TSEN34: variants seen among roughly 807,000 people sequenced by gnomAD.
TSEN34 encodes tRNA-splicing endonuclease subunit Sen34.
In TSEN34, 25 loss-of-function variants were observed where a neutral mutation model predicts 30.2. The observed-to-expected ratio is 0.83, with a 90% CI of 0.60 to 1.16. TSEN34 has a LOEUF of 1.16. Among genes scored for constraint, TSEN34 ranks in the 50% most tolerant of loss-of-function variants. The pLI is 0.00. For missense variants in TSEN34, 475 were observed against 411.9 expected (o/e 1.15, Z -1.33); for synonymous variants, 209 against 177.4 (o/e 1.18, Z -1.41).
At chr19:54,191,052 G>T, upstream of TSEN34, 1 of 1,260,036 alleles carries the variant, frequency 7.9e-7, no homozygotes, top group South Asian at 2.2e-5. Context: ...GTACGGCAGT[G>T]CGGGCACAGA....
intron 3 of TSEN34, 36 bp from the exon 4 acceptor site, chr19:54,193,139 T>C: frequency 6.2e-7 from 1 of 1,612,210 alleles, no homozygotes; most frequent in Non-Finnish European, 8.5e-7. Context: ...CCGTCTGCCA[T>C]TGGTCACTGC....
intron 2 of TSEN34, 71 bp from the exon 3 acceptor site, chr19:54,192,045 C>G: frequency 6.2e-7 from 1 of 1,614,110 alleles, no homozygotes; most frequent in South Asian, 1.1e-5. Flanking sequence ...AATCCAGTGC[C>G]TGGGTCTCCC....
chr19:54,190,644 G>A (rs2076636091), upstream of TSEN34: 2 of 1,261,750 alleles, frequency 1.6e-6, no homozygotes, highest in Non-Finnish European at 2.0e-6. Context: ...GGAGGAGGCG[G>A]GGCTACGGAT....
At chr19:54,190,175 G>C, upstream of TSEN34, 1 of 589,858 alleles carries the variant, frequency 1.7e-6, no homozygotes, top group Admixed American at 3.0e-5. Flanking sequence ...GCGCTCAGTG[G>C]GGCGGAGCCA....
At chr19:54,192,638 C>T (rs635608) in intron 3 of TSEN34, among the ~76,000 whole-genome samples, 30,888 of 151,888 alleles carry the variant, frequency 0.2, 3,510 homozygotes, top group East Asian at 0.5. Flanking sequence ...TGGGAGCTCC[C>T]GAACTCATTG....
In TSEN34 at chr19:54,193,740, C is replaced by T. The variant is rs1223511183; in HGVS notation, c.*378C>T. 4.2e-6 allele frequency: 3 copies of T among 715,490 alleles called. No individual in the cohort carries two copies. The highest frequency in any genetic ancestry group is 7.5e-6 in the Non-Finnish European group (3 of 397,366). 44.3% of individuals were successfully genotyped at this position (715,490 alleles called of 1,614,324 possible). A position where few individuals can be genotyped will look rare whatever the true frequency, so the allele number is the denominator to read the frequency against. Reference sequence around the variant, plus strand: ...CTGCATGTACAGGTGAGAAAAAGGCCTGGAGGAGGGGGACTGACTTGCCCA... The same window carrying T: ...CTGCATGTACAGGTGAGAAAAAGGCTTGGAGGAGGGGGACTGACTTGCCCA... On this transcript the variant is annotated 3_prime_UTR_variant, in exon 4 of 4. Coordinates refer to ENST00000396388, the MANE Select transcript of TSEN34 (RefSeq NM_001077446.4).
chr19:54,190,726 G>A, upstream of TSEN34: 5 of 1,211,858 alleles, frequency 4.1e-6, no homozygotes, highest in Non-Finnish European at 5.1e-6. Context: ...CGGATTCGGT[G>A]GAGCCGAGGA....
chr19:54,193,418 TC>T lies in TSEN34; in HGVS notation c.*60del, dbSNP rs2076782675. On this transcript the variant is annotated 3_prime_UTR_variant, in exon 4 of 4. Coordinates refer to ENST00000396388, the MANE Select transcript of TSEN34 (RefSeq NM_001077446.4). ...CGGCAGCAAGAGCCTTTCTGGATGT[TC>T]CCCAGCTCTTCTCTGGGAGTCTAGA... is the stretch of plus-strand genomic sequence containing the variant. The T allele has an allele frequency of 8.1e-6, 13 of 1,609,552 alleles. No homozygotes were observed. In the South Asian group the frequency reaches 1.2e-4, roughly 15 times the overall value.
chr19:54,193,315 G>C lies in TSEN34; in HGVS notation c.886G>C (p.Asp296His), dbSNP rs2076777587. 5 of 1,614,176 alleles carry C rather than the reference G, an allele frequency of 3.1e-6. No homozygotes were observed. In the East Asian group the frequency reaches 1.1e-4, roughly 36 times the overall value. ...CCTGCTCCTCTGTTCTCCGCAGCCT[G>C]ATGGTAAGGTGGTCTACACCTCCCT... ...KTLLLCSPQPDGKVVYTSLQW... is the reference protein window; with the variant it reads ...KTLLLCSPQPHGKVVYTSLQW... The change falls in exon 4 of 4, where the codon GAT (aspartate) becomes CAT (histidine). Residue 296 changes from aspartate to histidine, a missense_variant. Physicochemically the swap from Asp to His is moderately conservative, Grantham distance 81. Transcript: ENST00000396388.
chr19:54,192,804 A>G (rs1014633542), intron 3 of TSEN34, among the ~76,000 whole-genome samples: 13 of 152,324 alleles, frequency 8.5e-5, no homozygotes, highest in African/African-American at 3.1e-4. Context: ...CAGGAGTTTG[A>G]TACCAGTCTG....
At position 54,193,920 on chromosome 19, in the gene TSEN34, C is replaced by G; in HGVS notation, c.*558C>G. On this transcript the variant is annotated 3_prime_UTR_variant, in exon 4 of 4. Transcript: ENST00000396388. ...CAAACGTTATAAATAAAAATATAGGCTGGGCACGATGACCCACACCTGTAA... is the reference window on the plus strand; with the variant it reads ...CAAACGTTATAAATAAAAATATAGGGTGGGCACGATGACCCACACCTGTAA... 2 of 539,210 alleles carry G rather than the reference C, an allele frequency of 3.7e-6. No individual in the cohort carries two copies. The highest frequency in any genetic ancestry group is 6.6e-6 in the Non-Finnish European group (2 of 305,252). 33.4% of individuals were successfully genotyped at this position (539,210 alleles called of 1,614,324 possible).
At chr19:54,192,439 T>C in intron 3 of TSEN34, 66 bp downstream of exon 3, 1 of 1,535,860 alleles carries the variant, frequency 6.5e-7, no homozygotes, top group Non-Finnish European at 8.7e-7. Flanking sequence ...TTCTGCGTTT[T>C]TCTTTTTTTT....
At position 54,191,600 on chromosome 19, in the gene TSEN34, A is replaced by C. The variant is rs763821686; in HGVS notation, c.236A>C (p.His79Pro). The C allele has an allele frequency of 5.0e-6, 8 of 1,603,190 alleles. No individual in the cohort carries two copies. In the South Asian group the frequency reaches 8.8e-5, roughly 18 times the overall value. Reference protein sequence around the residue: ...VSAPRPDSRHHSLALTSFKRQ... With the variant: ...VSAPRPDSRHPSLALTSFKRQ... ...GCCCCGCGTCCAGACTCTCGGCACCACAGCCTGGTAAGGGGGCGGGGCTCG... is the reference window on the plus strand; with the variant it reads ...GCCCCGCGTCCAGACTCTCGGCACCCCAGCCTGGTAAGGGGGCGGGGCTCG... The change falls in exon 1 of 4, where the codon CAC becomes CCC. Residue 79 changes from histidine to proline, a missense_variant. His to Pro is a moderately conservative substitution (Grantham distance 77, BLOSUM62 -2). Coordinates refer to ENST00000396388, the MANE Select transcript of TSEN34 (RefSeq NM_001077446.4).
Position 54,191,522 on chromosome 19 carries a change from T to C in TSEN34, c.158T>C (p.Met53Thr), listed in dbSNP as rs2076697005. ...CGCCTGGGCCTCCCGCTGCTGCTGA[T>C]GCCCGAAGAGGCGCGGCTCTTGGCC... is the stretch of plus-strand genomic sequence containing the variant. ...NSRLGLPLLL[M>T]PEEARLLAEI... The change falls in exon 1 of 4, where the codon ATG becomes ACG. Residue 53 changes from methionine to threonine, a missense_variant. Transcript: ENST00000396388. The C allele has an allele frequency of 1.3e-6, 2 of 1,597,068 alleles. No individual in the cohort carries two copies. Among genetic ancestry groups the C allele is most frequent in the Non-Finnish European group, 1.7e-6 (2 of 1,176,702 alleles).
Position 54,193,500 on chromosome 19 carries a change from C to T in TSEN34, c.*138C>T, listed in dbSNP as rs2076786063. 7.8e-6 allele frequency: 12 copies of T among 1,546,060 alleles called. No homozygotes were observed. In the South Asian group the frequency reaches 9.5e-5, roughly 12 times the overall value. On this transcript the variant is annotated 3_prime_UTR_variant, in exon 4 of 4. Coordinates refer to ENST00000396388, the MANE Select transcript of TSEN34 (RefSeq NM_001077446.4). ...TTTGATTCCAGGTTTTCGAACACTA[C>T]ATCTTTTTTATGTTCTTCCTTGTTT...
At position 54,191,530 on chromosome 19, in the gene TSEN34, G is replaced by T; in HGVS notation, c.166G>T (p.Glu56Ter). 1.2e-6 allele frequency: 2 copies of T among 1,600,126 alleles called. No individual in the cohort carries two copies. Among genetic ancestry groups the T allele is most frequent in the Non-Finnish European group, 1.7e-6 (2 of 1,178,354 alleles). ...LGLPLLLMPE[E>*]ARLLAEIGAV... ...CCTCCCGCTGCTGCTGATGCCCGAA[G>T]AGGCGCGGCTCTTGGCCGAGATCGG... The change falls in exon 1 of 4, where the codon GAG becomes TAG. Residue 56 changes from glutamate to a stop codon, truncating the protein, a stop_gained. Transcript: ENST00000396388. LOFTEE classifies it high-confidence loss of function.
upstream of TSEN34, chr19:54,190,249 C>A: frequency 3.0e-6 from 3 of 1,007,298 alleles, no homozygotes; most frequent in East Asian, 2.8e-5. Flanking sequence ...TGACTTCCCG[C>A]GGCGCTGATG....
Position 54,193,301 on chromosome 19 carries a change from G to T in TSEN34, c.872G>T (p.Cys291Phe). 1 of 1,614,140 alleles carries T rather than the reference G, an allele frequency of 6.2e-7. No homozygotes were observed. The highest frequency in any genetic ancestry group is 8.5e-7 in the Non-Finnish European group (1 of 1,180,024). Residue 291 changes from cysteine (C) to phenylalanine (F), a missense_variant, in exon 4 of 4, where the codon TGT (cysteine) becomes TTT (phenylalanine). Cys to Phe is a radical substitution (Grantham distance 205). Transcript: ENST00000396388. ...GTSVRKTLLL[C>F]SPQPDGKVVY... ...AGCGTCAGAAAGACCCTGCTCCTCT[G>T]TTCTCCGCAGCCTGATGGTAAGGTG...
rs2076814133 is a variant in TSEN34 at position 54,194,252 on chromosome 19, A to C, written c.*890A>C. The C allele has an allele frequency of 6.6e-6, 1 of 151,926 alleles. No individual in the cohort carries two copies. Among genetic ancestry groups the C allele is most frequent in the African/African-American group, 2.4e-5 (1 of 41,364 alleles). 9.4% of individuals were successfully genotyped at this position (151,926 alleles called of 1,614,324 possible). On this transcript the variant is annotated 3_prime_UTR_variant, in exon 4 of 4. Coordinates refer to ENST00000396388, the MANE Select transcript of TSEN34 (RefSeq NM_001077446.4). The stretch of plus-strand genomic sequence containing the variant: ...ATATATATATATATTATGAAAGGAA[A>C]TGAGTATTGTAATTTTAGGAGTTCA...
Sources: gnomAD v4.1 joint callset for allele counts (sites outside exome capture counted in the v4.1 genomes callset) on GRCh38, gnomAD v4.1.1 for gene constraint, MANE v1.5 for transcripts, NCBI Gene and HGNC (gene_info 2026-07-23, HGNC 2026-07-21) for gene names.